Variants in KCNH8 observed in about 807,000 individuals in gnomAD.
The protein encoded by KCNH8 is voltage-gated delayed rectifier potassium channel KCNH8.
In KCNH8, 70 loss-of-function variants were observed where a neutral mutation model predicts 103.6. The ratio of observed to expected loss-of-function variants is 0.68; its 90% CI spans 0.56 to 0.82. The LOEUF is 0.82. Among genes scored for constraint, KCNH8 ranks in the 40% least tolerant of loss-of-function variants. The pLI is 0.00. For synonymous variants in KCNH8, 498 were observed against 489.4 expected (o/e 1.02, Z -0.23); for missense variants, 1,217 against 1,329.9 (o/e 0.92, Z 1.32).
chr3:19,324,781 T>C (rs2065398158), intron 3 of KCNH8, among the ~76,000 whole-genome samples: 1 of 152,036 alleles, frequency 6.6e-6, no homozygotes, highest in Admixed American at 6.6e-5. Flanking sequence ...ATAAATTCAG[T>C]GCTATTCCCA....
chr3:19,275,181 A>G (rs1471232807), intron 2 of KCNH8, among the ~76,000 whole-genome samples: 1 of 151,766 alleles, frequency 6.6e-6, no homozygotes, highest in Non-Finnish European at 1.5e-5. Context: ...TTAAACCATA[A>G]TTTACAATCC....
chr3:19,458,690 TG>T (rs143320173), intron 11 of KCNH8, among the ~76,000 whole-genome samples: 73 of 152,130 alleles, frequency 4.8e-4, no homozygotes, highest in African/African-American at 1.5e-3. Flanking sequence ...ACAGATCTCT[TG>T]AACTTATTTC....
intron 8 of KCNH8, among the ~76,000 whole-genome samples, 154 bp from the exon 9 acceptor site, chr3:19,449,952 G>A (rs960154395): frequency 1.3e-5 from 2 of 152,052 alleles, no homozygotes; most frequent in East Asian, 3.9e-4. Context: ...CACACTGTCT[G>A]TACCAAAATG....
At chr3:19,432,370 C>T (rs543839131) in intron 7 of KCNH8, among the ~76,000 whole-genome samples, 5 of 152,200 alleles carry the variant, frequency 3.3e-5, no homozygotes, top group African/African-American at 7.2e-5. Flanking sequence ...AAATTTGAGA[C>T]GAGACCTGTC....
At chr3:19,373,960 T>A (rs896393809) in intron 5 of KCNH8, among the ~76,000 whole-genome samples, 4 of 152,254 alleles carry the variant, frequency 2.6e-5, no homozygotes, top group African/African-American at 9.6e-5. Flanking sequence ...TTGATTGCAC[T>A]GTGGTCTGAG....
chr3:19,440,119 T>C (rs2067260041), intron 8 of KCNH8, among the ~76,000 whole-genome samples: 1 of 152,162 alleles, frequency 6.6e-6, no homozygotes, highest in African/African-American at 2.4e-5. Flanking sequence ...ATATTGCTTG[T>C]TAATACATAA....
intron 1 of KCNH8, among the ~76,000 whole-genome samples, chr3:19,169,390 C>T (rs1347672821): frequency 6.6e-6 from 1 of 151,940 alleles, no homozygotes; most frequent in African/African-American, 2.4e-5. Context: ...TCCCGAGTAC[C>T]TGGGACTACA....
At chr3:19,496,612 T>C (rs1390523957) in intron 11 of KCNH8, among the ~76,000 whole-genome samples, 1 of 152,162 alleles carries the variant, frequency 6.6e-6, no homozygotes, top group Non-Finnish European at 1.5e-5. Context: ...TTGTTGAGGA[T>C]TTTTGTCTGT....
intron 2 of KCNH8, among the ~76,000 whole-genome samples, chr3:19,276,026 C>T (rs532866127): frequency 6.6e-6 from 1 of 152,116 alleles, no homozygotes; most frequent in South Asian, 2.1e-4. Flanking sequence ...GGAGGGGTAA[C>T]TTGGAGCTTT....
chr3:19,301,415 TTACA>T (rs2125289733), intron 3 of KCNH8, among the ~76,000 whole-genome samples: 1 of 150,000 alleles, frequency 6.7e-6, no homozygotes, highest in South Asian at 2.1e-4. Context: ...AATTTTATGC[TTACA>T]TAAATATAAA....
intron 8 of KCNH8, among the ~76,000 whole-genome samples, chr3:19,444,182 TA>T (rs1176660713): frequency 5.3e-5 from 8 of 152,036 alleles, no homozygotes; most frequent in Non-Finnish European, 8.8e-5. Flanking sequence ...GTTTGTTCAA[TA>T]ACAGACCAAT....
At chr3:19,330,425 C>T (rs2065490024) in intron 3 of KCNH8, among the ~76,000 whole-genome samples, 1 of 152,146 alleles carries the variant, frequency 6.6e-6, no homozygotes, top group African/African-American at 2.4e-5. Flanking sequence ...AGCTTGATGT[C>T]TCACAGTATC....
Position 19,194,127 on chromosome 3 carries a change from G to C in KCNH8, c.76+45332G>C, listed in dbSNP as rs543633320. Among the ~76,000 whole-genome samples the C allele has an allele frequency of 7.0e-4, 107 of 151,864 alleles. 1 individual carries two copies. The highest frequency in any genetic ancestry group is 2.6e-3 in the African/African-American group (106 of 41,500). ...CATCTTCTGTCTACAACTTGTTATG[G>C]CATTTAAAATTCTGCTGGAGAAATT... On this transcript the variant is annotated intron_variant, in intron 1 of 15. Coordinates refer to ENST00000328405, the MANE Select transcript of KCNH8 (RefSeq NM_144633.3).
intron 5 of KCNH8, among the ~76,000 whole-genome samples, chr3:19,370,221 G>A (rs998317921): frequency 1.3e-5 from 2 of 151,918 alleles, no homozygotes; most frequent in Non-Finnish European, 2.9e-5. Context: ...TTCATCTCAT[G>A]ACTTTATAAT....
rs1029330471 is a variant in KCNH8, at chr3:19,228,680, C to T, written c.77-24974C>T. Among the ~76,000 whole-genome samples, 5 of 152,222 alleles carry T rather than the reference C, an allele frequency of 3.3e-5. No individual in the cohort carries two copies. In the South Asian group the frequency reaches 1.0e-3, roughly 32 times the overall value. ...TAAAATGATGTTTATTTGTGTGTTA[C>T]GTCACCAATATATTTAGCTAATTTC... On this transcript the variant is annotated intron_variant, in intron 1 of 15. Transcript: ENST00000328405.
chr3:19,376,183 C>A (rs1454378823), intron 5 of KCNH8, among the ~76,000 whole-genome samples: 2 of 152,336 alleles, frequency 1.3e-5, no homozygotes, highest in East Asian at 1.9e-4. Context: ...CAATGGCGGG[C>A]GCCCCTCCCC....
At chr3:19,369,543 A>G (rs2066059106) in intron 5 of KCNH8, among the ~76,000 whole-genome samples, 1 of 152,062 alleles carries the variant, frequency 6.6e-6, no homozygotes, top group Non-Finnish European at 1.5e-5. Context: ...CCCCCAAAAC[A>G]GTATCTTGAG....
chr3:19,252,785 C>T (rs112017453), intron 1 of KCNH8, among the ~76,000 whole-genome samples: 22 of 152,300 alleles, frequency 1.4e-4, no homozygotes, highest in African/African-American at 5.3e-4. Context: ...ATTCCTACAA[C>T]ACACCTATGA....
intron 1 of KCNH8, among the ~76,000 whole-genome samples, chr3:19,242,602 T>G (rs113085376): frequency 1.4e-4 from 22 of 152,270 alleles, no homozygotes; most frequent in African/African-American, 5.3e-4. Context: ...TATATACTTA[T>G]CTAGAAAGGT....
Sources: gnomAD v4.1 joint callset for allele counts (sites outside exome capture counted in the v4.1 genomes callset) on GRCh38, gnomAD v4.1.1 for gene constraint, MANE v1.5 for transcripts, NCBI Gene and HGNC (gene_info 2026-07-23, HGNC 2026-07-21) for gene names.